The following KCNH1 variants were observed in gnomAD, a reference collection of about 807,000 sequenced individuals.
KCNH1 encodes potassium voltage-gated channel subfamily H member 1.
KCNH1 carries 27 observed loss-of-function variants against 69.2 expected under a neutral mutation model. The observed-to-expected ratio is 0.39, with a 90% CI of 0.29 to 0.54. KCNH1 has a LOEUF of 0.54. KCNH1 is among the 20% of genes least tolerant of loss of function. The pLI is 0.68. For missense variants in KCNH1, 798 were observed against 1,261.6 expected (o/e 0.63, Z 5.57); for synonymous variants, 456 against 487.7 (o/e 0.93, Z 0.86).
At chr1:210,732,707 C>T (rs908327371) in intron 10 of KCNH1, among the ~76,000 whole-genome samples, 1 of 152,202 alleles carries the variant, frequency 6.6e-6, no homozygotes. Flanking sequence ...CTGGCAGATT[C>T]AGTGTCTGGC....
At chr1:210,849,369 T>TC (rs1558496045) in intron 7 of KCNH1, among the ~76,000 whole-genome samples, 1 of 144,976 alleles carries the variant, frequency 6.9e-6, no homozygotes, top group East Asian at 1.9e-4. Context: ...TTCTTTCTTT[T>TC]TTTTTTTTTT....
chr1:211,102,039 G>T lies in KCNH1; in HGVS notation c.310+1457C>A, dbSNP rs73075406. Among the ~76,000 whole-genome samples, 1,308 of 152,160 alleles carry T rather than the reference G, an allele frequency of 8.6e-3. 11 individuals carry two copies. Among genetic ancestry groups the T allele is most frequent in the African/African-American group, 0.029 (1,222 of 41,524 alleles). Reference sequence around the variant, plus strand: ...TGGTAGCCCATCATTTGATCTAGTTGGTTTACCTGGGTAGTTCATGTCTAC... The same window carrying T: ...TGGTAGCCCATCATTTGATCTAGTTTGTTTACCTGGGTAGTTCATGTCTAC... On this transcript the variant is annotated intron_variant, in intron 3 of 10. Transcript: ENST00000271751.
intron 10 of KCNH1, among the ~76,000 whole-genome samples, chr1:210,723,997 G>C (rs1465618834): frequency 6.6e-6 from 1 of 152,156 alleles, no homozygotes; most frequent in Non-Finnish European, 1.5e-5. Flanking sequence ...AGTATGGCCT[G>C]TGTCATTCAA....
chr1:210,805,537 TC>T (rs1207363316), intron 7 of KCNH1, among the ~76,000 whole-genome samples: 1 of 152,192 alleles, frequency 6.6e-6, no homozygotes, highest in Non-Finnish European at 1.5e-5. Flanking sequence ...ACCTTCATTT[TC>T]TAGAATTTTA....
At chr1:210,897,553 C>T (rs1686897898) in intron 7 of KCNH1, among the ~76,000 whole-genome samples, 1 of 152,192 alleles carries the variant, frequency 6.6e-6, no homozygotes, top group Non-Finnish European at 1.5e-5. Flanking sequence ...CTCCAACAGG[C>T]TCCCCTGGAT....
chr1:210,923,932 G>A (rs978893739), intron 6 of KCNH1, among the ~76,000 whole-genome samples: 3 of 152,182 alleles, frequency 2.0e-5, no homozygotes, highest in African/African-American at 7.2e-5. Flanking sequence ...GTTAAGATGA[G>A]GTCATACTGG....
intron 10 of KCNH1, among the ~76,000 whole-genome samples, chr1:210,772,939 C>T (rs979694824): frequency 1.3e-5 from 2 of 152,252 alleles, no homozygotes; most frequent in East Asian, 1.9e-4. Flanking sequence ...AAAAATCTGA[C>T]CACTGAGGTG....
intron 7 of KCNH1, among the ~76,000 whole-genome samples, chr1:210,829,708 C>T (rs1329620662): frequency 2.0e-5 from 3 of 152,150 alleles, no homozygotes; most frequent in African/African-American, 4.8e-5. Flanking sequence ...TCTTTTAAGT[C>T]TTGGCTCAAC....
chr1:211,046,948 T>C (rs561559690), intron 5 of KCNH1, among the ~76,000 whole-genome samples: 31 of 152,306 alleles, frequency 2.0e-4, no homozygotes, highest in Non-Finnish European at 4.0e-4. Flanking sequence ...GTGAGTCTTA[T>C]ATGATTTAGC....
chr1:210,770,206 T>C (rs1332581413), intron 10 of KCNH1, among the ~76,000 whole-genome samples: 1 of 150,952 alleles, frequency 6.6e-6, no homozygotes, highest in Non-Finnish European at 1.5e-5. Context: ...CTGTTTGGGG[T>C]GTGGGGGGGT....
chr1:210,744,428 G>A (rs953206753), intron 10 of KCNH1, among the ~76,000 whole-genome samples: 11 of 152,062 alleles, frequency 7.2e-5, no homozygotes, highest in Non-Finnish European at 1.0e-4. Context: ...GGCGGATCAC[G>A]AGGTCAGGAG....
In KCNH1 at chr1:211,103,574, C is replaced by A; in HGVS notation, c.232G>T (p.Asp78Tyr). The A allele has an allele frequency of 6.2e-7, 1 of 1,613,066 alleles. No individual in the cohort carries two copies. Among genetic ancestry groups the A allele is most frequent in the Non-Finnish European group, 8.5e-7 (1 of 1,179,538 alleles). The stretch of plus-strand genomic sequence containing the variant: ...GTTTGCCGCACTTTTTCAATCGTGT[C>A]TTTATCAGTCAGCTCCCCATACATA... ...SFMYGELTDK[D>Y]TIEKVRQTFE... Residue 78 changes from aspartate (D) to tyrosine (Y), a missense_variant, in exon 3 of 11, where the codon GAC becomes TAC. By Grantham distance (160) the Asp-to-Tyr change is radical. Around this residue, in one of 4 missense-constraint regions of KCNH1, gnomAD observed 266 missense variants for 457.2 expected, o/e 0.58. Transcript: ENST00000271751.
chr1:210,735,419 TGA>T (rs1267136050), intron 10 of KCNH1, among the ~76,000 whole-genome samples: 34 of 54,776 alleles, frequency 6.2e-4, no homozygotes, highest in South Asian at 1.5e-3. Flanking sequence ...AATGAGTGAG[TGA>T]GTGTGTGTGT....
At chr1:210,743,328 G>A (rs1479015917) in intron 10 of KCNH1, among the ~76,000 whole-genome samples, 1 of 152,090 alleles carries the variant, frequency 6.6e-6, no homozygotes, top group Non-Finnish European at 1.5e-5. Flanking sequence ...GAAGGGGAGA[G>A]CAGCTTTCCC....
chr1:210,703,224 A>G (rs1211326374), intron 10 of KCNH1, among the ~76,000 whole-genome samples: 1 of 152,258 alleles, frequency 6.6e-6, no homozygotes, highest in Non-Finnish European at 1.5e-5. Flanking sequence ...AATTTATGAC[A>G]AAAACTGCTC....
At chr1:210,795,962 A>AACACACAC (rs369505764) in intron 9 of KCNH1, among the ~76,000 whole-genome samples, 14,989 of 135,720 alleles carry the variant, frequency 0.11, 875 homozygotes, top group Admixed American at 0.13. Flanking sequence ...CTCTACTAAA[A>AACACACAC]ACACACACAC....
chr1:210,939,061 CT>C (rs1687831707), intron 6 of KCNH1, among the ~76,000 whole-genome samples: 1 of 152,146 alleles, frequency 6.6e-6, no homozygotes, highest in Non-Finnish European at 1.5e-5. Flanking sequence ...GTGAAGCCCC[CT>C]GATCCCCATA....
At chr1:210,822,283 C>T (rs1684944594) in intron 7 of KCNH1, among the ~76,000 whole-genome samples, 1 of 152,028 alleles carries the variant, frequency 6.6e-6, no homozygotes, top group South Asian at 2.1e-4. Context: ...GCAACTGATT[C>T]AGAGCCCTGG....
At chr1:211,031,107 A>T (rs2102422876) in intron 5 of KCNH1, among the ~76,000 whole-genome samples, 1 of 152,318 alleles carries the variant, frequency 6.6e-6, no homozygotes, top group Admixed American at 6.5e-5. Flanking sequence ...AGAGAATATT[A>T]TAAACACCTC....
Sources: gnomAD v4.1 joint callset for allele counts (sites outside exome capture counted in the v4.1 genomes callset) on GRCh38, gnomAD v4.1.1 for gene constraint, gnomAD v4.1.1 regional missense constraint, MANE v1.5 for transcripts, NCBI Gene and HGNC (gene_info 2026-07-23, HGNC 2026-07-21) for gene names.